The following HM13 variants were observed in gnomAD, a reference collection of about 807,000 sequenced individuals.
HM13 encodes the protein signal peptide peptidase.
Under a neutral mutation model 50.0 loss-of-function variants are expected in HM13, and 18 were observed. The ratio of observed to expected loss-of-function variants is 0.36; its 90% CI spans 0.25 to 0.53. The LOEUF is 0.53. HM13 is among the 20% of genes least tolerant of loss of function. The pLI, the probability that HM13 is intolerant of heterozygous loss-of-function variation, is 0.90. For synonymous variants in HM13, 197 were observed against 232.6 expected, an observed-to-expected ratio of 0.85 and a Z score of 1.39; for missense variants, 393 against 552.4, an observed-to-expected ratio of 0.71 and a Z score of 2.89.
intron 1 of HM13, among the ~76,000 whole-genome samples, chr20:31,524,087 C>T (rs1982341002): frequency 6.6e-6 from 1 of 152,124 alleles, no homozygotes. Context: ...TTTAAGACTC[C>T]TATGGGGCTG....
chr20:31,524,034 A>G (rs966704888), intron 1 of HM13, among the ~76,000 whole-genome samples: 2 of 152,124 alleles, frequency 1.3e-5, no homozygotes, highest in African/African-American at 4.8e-5. Flanking sequence ...CAGGCACAGT[A>G]CTTTAGTTTG....
intron 6 of HM13, among the ~76,000 whole-genome samples, 168 bp downstream of exon 6, chr20:31,549,500 G>A (rs1272266590): frequency 2.0e-5 from 3 of 152,200 alleles, no homozygotes; most frequent in South Asian, 2.1e-4. Context: ...GATGGAGCCA[G>A]AGAGAGCAGA....
At chr20:31,565,812 G>T (rs915346002) in intron 10 of HM13, among the ~76,000 whole-genome samples, 8 of 152,150 alleles carry the variant, frequency 5.3e-5, no homozygotes, top group African/African-American at 1.9e-4. Flanking sequence ...AGCAGCTGTG[G>T]TGTCATCATC....
intron 1 of HM13, among the ~76,000 whole-genome samples, chr20:31,516,399 G>A (rs577370120): frequency 7.2e-5 from 11 of 152,326 alleles, no homozygotes; most frequent in African/African-American, 2.4e-4. Flanking sequence ...GCAAAGATGA[G>A]TAGGTCAGAG....
chr20:31,557,320 CCT>C (rs1383972684), intron 8 of HM13, among the ~76,000 whole-genome samples: 1 of 152,224 alleles, frequency 6.6e-6, no homozygotes, highest in Middle Eastern at 3.2e-3. Flanking sequence ...ACAAACTTCC[CCT>C]GTGTCCTTGT....
rs768632895 is a variant in HM13, at chr20:31,569,200, TGGA to T, written c.1264_1266del (p.Glu422del). Reference sequence around the variant, plus strand: ...ACAGAGGCATCAGCATCGAAGGGGCTGGAGAAGAAAGAGAAATGATGCAGCTGG... The same window carrying T: ...ACAGAGGCATCAGCATCGAAGGGGCTGAAGAAAGAGAAATGATGCAGCTGG... On this transcript the variant is annotated inframe_deletion, in exon 13 of 13. Coordinates refer to ENST00000398174, the MANE Select transcript of HM13 (RefSeq NM_178581.3). 2 of 1,595,324 alleles carry T rather than the reference TGGA, an allele frequency of 1.3e-6. No homozygotes were observed. Among genetic ancestry groups the T allele is most frequent in the Non-Finnish European group, 1.7e-6 (2 of 1,170,310 alleles).
chr20:31,525,165 G>A (rs1057288952), intron 1 of HM13, among the ~76,000 whole-genome samples: 2 of 152,154 alleles, frequency 1.3e-5, no homozygotes, highest in African/African-American at 4.8e-5. Context: ...GTGCATGCCT[G>A]TAATCCCAGC....
At chr20:31,565,988 C>A in intron 10 of HM13, 1 of 423,386 alleles carries the variant, frequency 2.4e-6, no homozygotes. Flanking sequence ...CCCTTGAAGC[C>A]CTGCCTACTT....
At chr20:31,528,313 G>A (rs1600624804) in intron 2 of HM13, among the ~76,000 whole-genome samples, 1 of 151,950 alleles carries the variant, frequency 6.6e-6, no homozygotes. Context: ...ATCTCATTTC[G>A]GGCTTTTTAT....
chr20:31,556,739 G>A (rs577300545), intron 8 of HM13, among the ~76,000 whole-genome samples: 220 of 151,842 alleles, frequency 1.4e-3, no homozygotes, highest in African/African-American at 5.2e-3. Context: ...CTAGGTGGCC[G>A]GCCGGGCACG....
intron 8 of HM13, 24 bp downstream of exon 8, chr20:31,554,853 A>G: frequency 2.5e-6 from 4 of 1,578,788 alleles, no homozygotes; most frequent in Non-Finnish European, 3.5e-6. Context: ...TGTGGGGGCT[A>G]TGTGAAAGGG....
At chr20:31,544,067 T>C (rs1983589688) in intron 3 of HM13, among the ~76,000 whole-genome samples, 2 of 152,204 alleles carry the variant, frequency 1.3e-5, no homozygotes, top group Non-Finnish European at 2.9e-5. Context: ...TTCATAGCAA[T>C]GCTCTGAGAC....
In HM13 at chr20:31,514,512, G is replaced by A. The variant is rs747339224; in HGVS notation, c.-40G>A. The A allele has an allele frequency of 2.8e-5, 45 of 1,582,360 alleles. 1 individual carries two copies. The South Asian group carries it at 4.6e-4, about 16-fold the overall frequency. On this transcript the variant is annotated 5_prime_UTR_variant, in exon 1 of 13. Coordinates refer to ENST00000398174, the MANE Select transcript of HM13 (RefSeq NM_178581.3). This position sits in a 1 kb window ranked among gnomAD's most constrained non-coding sequence, Gnocchi z 4.3. Reference sequence around the variant, plus strand: ...TGTCTCCGCCTGCGTCCCTGCTGCAGCAACCGGAGCTGGAGTCGGATCCCG... The same window carrying A: ...TGTCTCCGCCTGCGTCCCTGCTGCAACAACCGGAGCTGGAGTCGGATCCCG...
Position 31,519,500 on chromosome 20 carries a change from T to C in HM13, c.183+4766T>C, listed in dbSNP as rs147093643. Among the ~76,000 whole-genome samples the C allele has an allele frequency of 1.6e-4, 24 of 152,332 alleles. No homozygotes were observed. The Middle Eastern group carries it at 0.014, about 86-fold the overall frequency. Reference sequence around the variant, plus strand: ...GTGGGTGTGTTCTTTAACAGCTGTATGGTATCCCACTTGTACTCCAGTTTG... The same window carrying C: ...GTGGGTGTGTTCTTTAACAGCTGTACGGTATCCCACTTGTACTCCAGTTTG... On this transcript the variant is annotated intron_variant, in intron 1 of 12. Transcript: ENST00000398174.
Position 31,548,130 on chromosome 20 carries a change from G to A in HM13, c.455-899G>A, listed in dbSNP as rs574209317. The A allele has an allele frequency of 1.2e-4, 114 of 922,196 alleles. 4 individuals carry two copies. The highest frequency in any genetic ancestry group is 9.9e-4 in the South Asian group (72 of 72,828). 57.1% of individuals were successfully genotyped at this position (922,196 alleles called of 1,614,324 possible). On this transcript the variant is annotated intron_variant, in intron 4 of 12. Coordinates refer to ENST00000398174, the MANE Select transcript of HM13 (RefSeq NM_178581.3). ...TGTGTTTGTGTCTGTGTGTGACAGC[G>A]TGAATACAATGCCTCTGTGGTTATG...
intron 10 of HM13, chr20:31,563,029 G>A (rs117699622): frequency 0.02 from 3,006 of 152,386 alleles, 44 homozygotes; most frequent in Non-Finnish European, 0.028. Context: ...CCCTCTGCCT[G>A]GCTGGACTGA....
chr20:31,547,287 G>A, intron 4 of HM13: 1 of 244,774 alleles, frequency 4.1e-6, no homozygotes, highest in Non-Finnish European at 7.9e-6. Flanking sequence ...AGGAACAGCG[G>A]GCCAAGCGCA....
At chr20:31,552,786 G>A (rs753179872) in intron 7 of HM13, among the ~76,000 whole-genome samples, 32 of 152,130 alleles carry the variant, frequency 2.1e-4, no homozygotes, top group African/African-American at 3.1e-4. Flanking sequence ...AAATCACTGC[G>A]TTGTACATTC....
At chr20:31,531,158 C>A (rs1982793274) in intron 2 of HM13, among the ~76,000 whole-genome samples, 1 of 151,538 alleles carries the variant, frequency 6.6e-6, no homozygotes, top group Non-Finnish European at 1.5e-5. Flanking sequence ...GATTCTCCTG[C>A]CTCAGCCTCC....
Sources: gnomAD v4.1 joint callset for allele counts (sites outside exome capture counted in the v4.1 genomes callset) on GRCh38, gnomAD v4.1.1 for gene constraint, Gnocchi (gnomAD v3.1) non-coding constraint, MANE v1.5 for transcripts, NCBI Gene and HGNC (gene_info 2026-07-23, HGNC 2026-07-21) for gene names.